The following AP3B1 variants were observed in gnomAD, a reference collection of about 807,000 sequenced individuals.
AP3B1 encodes adaptor related protein complex 3 subunit beta 1, also known as AP-3 complex subunit beta-1.
Under a neutral mutation model 132.5 loss-of-function variants are expected in AP3B1, and 61 were observed. The ratio of observed to expected loss-of-function variants is 0.46; its 90% CI spans 0.37 to 0.57. AP3B1 has a LOEUF of 0.57. AP3B1 is among the 20% of genes least tolerant of loss of function. The pLI is 0.00. For synonymous variants in AP3B1, 388 were observed against 438.3 expected, an observed-to-expected ratio of 0.89 and a Z score of 1.43; for missense variants, 1,120 against 1,289.4, an observed-to-expected ratio of 0.87 and a Z score of 2.01.
intron 22 of AP3B1, among the ~76,000 whole-genome samples, chr5:78,047,725 G>T (rs1031145500): frequency 8.5e-5 from 13 of 152,216 alleles, no homozygotes; most frequent in African/African-American, 3.1e-4. Context: ...CTAGCCTTCA[G>T]CATGTGGGGC....
intron 6 of AP3B1, among the ~76,000 whole-genome samples, chr5:78,220,695 T>TA (rs367902480): frequency 8.2e-4 from 112 of 137,366 alleles, no homozygotes; most frequent in Middle Eastern, 7.2e-3. Context: ...AAAATTAGCT[T>TA]AAAAAAAAAA....
At chr5:78,128,001 C>T (rs768116868) in intron 17 of AP3B1, 29 bp downstream of exon 17, 1 of 1,609,596 alleles carries the variant, frequency 6.2e-7, no homozygotes, top group Non-Finnish European at 8.5e-7. Context: ...ACTGCTTTGG[C>T]AAAATTAATT....
In AP3B1 at chr5:78,146,336, T is replaced by C. The variant is rs747201138; in HGVS notation, c.1474-5017A>G. Among the ~76,000 whole-genome samples the C allele has an allele frequency of 3.3e-5, 5 of 152,172 alleles. 1 individual carries two copies. Among genetic ancestry groups the C allele is most frequent in the Admixed American group, 2.6e-4 (4 of 15,272 alleles). On this transcript the variant is annotated intron_variant, in intron 14 of 26. Transcript: ENST00000255194. ...CATTTTGAGGGTTCTGCACAACAAA[T>C]TGTTTTGATTCTTCCTTGCTTGTCC...
intron 7 of AP3B1, among the ~76,000 whole-genome samples, chr5:78,205,240 CAG>C (rs1411532940): frequency 1.3e-5 from 2 of 151,946 alleles, no homozygotes; most frequent in East Asian, 1.9e-4. Context: ...GTTTAGGAAA[CAG>C]AAAGTGAGAG....
chr5:78,189,598 G>C (rs905057040), intron 7 of AP3B1, among the ~76,000 whole-genome samples: 2 of 152,020 alleles, frequency 1.3e-5, no homozygotes, highest in African/African-American at 4.8e-5. Context: ...GGCCAGGCAT[G>C]GTGGCTCACA....
intron 15 of AP3B1, among the ~76,000 whole-genome samples, chr5:78,134,534 T>C (rs1055335238): frequency 6.7e-6 from 1 of 148,320 alleles, no homozygotes; most frequent in Non-Finnish European, 1.5e-5. Context: ...ATCTAATTAG[T>C]TTCTTTCTTT....
intron 11 of AP3B1, among the ~76,000 whole-genome samples, chr5:78,167,057 A>G (rs1743664626): frequency 6.6e-6 from 1 of 152,240 alleles, no homozygotes; most frequent in Admixed American, 6.5e-5. Context: ...GAGTTAACAG[A>G]CAACCCACAG....
At chr5:78,076,740 T>C (rs1012166689) in intron 22 of AP3B1, among the ~76,000 whole-genome samples, 5 of 152,164 alleles carry the variant, frequency 3.3e-5, no homozygotes, top group African/African-American at 9.7e-5. Context: ...ATCAAGGCTA[T>C]ATGATGAAGC....
chr5:78,120,146 A>G (rs1752099637), intron 17 of AP3B1, among the ~76,000 whole-genome samples: 1 of 152,178 alleles, frequency 6.6e-6, no homozygotes, highest in Non-Finnish European at 1.5e-5. Context: ...ATGCTGAGAG[A>G]GTTTTGTCAC....
chr5:78,181,216 C>A (rs561969261), intron 8 of AP3B1, among the ~76,000 whole-genome samples: 2 of 152,010 alleles, frequency 1.3e-5, no homozygotes, highest in Admixed American at 1.3e-4. Flanking sequence ...ACCATTAAAA[C>A]GTAAATGAAG....
intron 7 of AP3B1, among the ~76,000 whole-genome samples, chr5:78,194,801 T>G (rs1353144753): frequency 1.3e-5 from 2 of 152,194 alleles, no homozygotes; most frequent in Non-Finnish European, 2.9e-5. Context: ...TCCAAGGTAA[T>G]GTGTATCTCC....
intron 26 of AP3B1, among the ~76,000 whole-genome samples, chr5:78,011,629 T>C (rs1374733544): frequency 6.6e-6 from 1 of 152,224 alleles, no homozygotes; most frequent in East Asian, 1.9e-4. Flanking sequence ...TGAGGGCCAT[T>C]TTCTGTTGCT....
intron 1 of AP3B1, among the ~76,000 whole-genome samples, chr5:78,282,657 G>A (rs972956715): frequency 6.6e-6 from 1 of 151,852 alleles, no homozygotes; most frequent in Admixed American, 6.6e-5. Flanking sequence ...ATAAAGCAAT[G>A]GTTAATGTTA....
At chr5:78,219,874 A>G (rs926606754) in intron 6 of AP3B1, among the ~76,000 whole-genome samples, 3 of 152,178 alleles carry the variant, frequency 2.0e-5, no homozygotes, top group South Asian at 4.1e-4. Context: ...TTTCAAATGT[A>G]TATGTATCAG....
At chr5:78,092,989 T>C (rs1750595293) in intron 21 of AP3B1, among the ~76,000 whole-genome samples, 1 of 152,192 alleles carries the variant, frequency 6.6e-6, no homozygotes, top group Admixed American at 6.5e-5. Flanking sequence ...TCAAAGTCTT[T>C]GTTCCAGCAA....
intron 7 of AP3B1, among the ~76,000 whole-genome samples, chr5:78,196,928 G>A (rs1745097636): frequency 6.6e-6 from 1 of 152,136 alleles, no homozygotes. Flanking sequence ...TATTGTGTAT[G>A]ATAAAACACA....
In AP3B1 at chr5:78,086,840, C is replaced by G. The variant is rs567589791; in HGVS notation, c.2577+2553G>C. ...ATCCTAGAACATTTCATATAAAATA[C>G]GAAGTTTTTTTTTTCTTTGGCAAGA... On this transcript the variant is annotated intron_variant, in intron 22 of 26. Transcript: ENST00000255194. 5.5e-4 allele frequency among the ~76,000 whole-genome samples: 84 copies of G among 152,096 alleles called. No individual in the cohort carries two copies. The South Asian group carries it at 6.2e-3, about 11-fold the overall frequency.
intron 25 of AP3B1, among the ~76,000 whole-genome samples, chr5:78,018,854 C>T (rs1463972519): frequency 6.6e-6 from 1 of 152,040 alleles, no homozygotes; most frequent in Admixed American, 6.6e-5. Flanking sequence ...AGTAGTATAA[C>T]AAATACATGT....
At position 78,175,650 on chromosome 5, in the gene AP3B1, A is replaced by G; in HGVS notation, c.1143T>C (p.Asp381=). 1.9e-6 allele frequency: 3 copies of G among 1,613,434 alleles called. No homozygotes were observed. Among genetic ancestry groups the G allele is most frequent in the Non-Finnish European group, 2.5e-6 (3 of 1,179,570 alleles). Reference sequence around the variant, plus strand: ...CCTTCAGTGTCTTGATCATAGTTGGATCAGTTGACCTAACATAGAAACTCT... The same window carrying G: ...CCTTCAGTGTCTTGATCATAGTTGGGTCAGTTGACCTAACATAGAAACTCT... ...YLKSFYVRST[D]PTMIKTLKLE... The change falls in exon 11 of 27, where the codon GAT becomes GAC. Residue 381 remains aspartate, a synonymous_variant. Coordinates refer to ENST00000255194, the MANE Select transcript of AP3B1 (RefSeq NM_003664.5).
Sources: allele counts gnomAD v4.1 joint callset (sites outside exome capture counted in the v4.1 genomes callset), GRCh38; gene constraint gnomAD v4.1.1; transcripts MANE v1.5; gene names NCBI Gene and HGNC (gene_info 2026-07-23, HGNC 2026-07-21).